CSMD2: variants seen among roughly 807,000 people sequenced by gnomAD.
CSMD2 encodes the protein CUB and Sushi multiple domains 2.
In CSMD2, 130 loss-of-function variants were observed where a neutral mutation model predicts 398.5. That is an observed-to-expected ratio of 0.33 (90% CI 0.28 to 0.38). The LOEUF is 0.38. Ranked by LOEUF, CSMD2 falls within the 10% of genes least tolerant of loss-of-function variation. The pLI is 1.00. For synonymous variants in CSMD2, 1,828 were observed against 1,908.5 expected (o/e 0.96, Z 1.10); for missense variants, 3,829 against 4,764.9 (o/e 0.80, Z 5.78).
At chr1:33,941,126 A>C (rs1355180641) in intron 3 of CSMD2, among the ~76,000 whole-genome samples, 1 of 152,204 alleles carries the variant, frequency 6.6e-6, no homozygotes, top group African/African-American at 2.4e-5. Context: ...CCAGAACAAT[A>C]TTATTAAAGC....
At chr1:33,935,532 C>T (rs1644451095) in intron 4 of CSMD2, among the ~76,000 whole-genome samples, 2 of 152,062 alleles carry the variant, frequency 1.3e-5, no homozygotes, top group Non-Finnish European at 2.9e-5. Context: ...TTTGTTGATA[C>T]AGGGGAAAAA....
intron 2 of CSMD2, among the ~76,000 whole-genome samples, chr1:34,080,509 A>G (rs966852650): frequency 6.6e-6 from 1 of 152,162 alleles, no homozygotes; most frequent in African/African-American, 2.4e-5. Context: ...AGTAGAAATC[A>G]TAATCTAATC....
At chr1:34,112,642 C>A (rs931790628) in intron 1 of CSMD2, among the ~76,000 whole-genome samples, 9 of 152,084 alleles carry the variant, frequency 5.9e-5, no homozygotes, top group African/African-American at 2.2e-4. Flanking sequence ...TGAGAAAAAT[C>A]AAAAGTATAT....
At chr1:33,683,106 T>C (rs142740490) in intron 25 of CSMD2, among the ~76,000 whole-genome samples, 2 of 152,356 alleles carry the variant, frequency 1.3e-5, no homozygotes, top group East Asian at 3.9e-4. Flanking sequence ...ACTTCAATGC[T>C]TTTATTTCTT....
intron 64 of CSMD2, among the ~76,000 whole-genome samples, chr1:33,530,582 C>T (rs1342649715): frequency 6.6e-6 from 1 of 152,118 alleles, no homozygotes; most frequent in African/African-American, 2.4e-5. Context: ...TACAGCAATA[C>T]CATTATGGAG....
chr1:33,643,681 AAGAT>A (rs1383304325), intron 29 of CSMD2, among the ~76,000 whole-genome samples: 3 of 152,150 alleles, frequency 2.0e-5, no homozygotes, highest in African/African-American at 7.2e-5. Flanking sequence ...CCTATAAAGA[AAGAT>A]AGTGTACATG....
At chr1:34,044,509 C>T (rs895947791) in intron 2 of CSMD2, among the ~76,000 whole-genome samples, 2 of 152,010 alleles carry the variant, frequency 1.3e-5, no homozygotes, top group African/African-American at 4.8e-5. Flanking sequence ...GAAGCTGAGG[C>T]TGTTGCTACA....
At chr1:34,096,627 AG>A (rs1659343150) in intron 1 of CSMD2, among the ~76,000 whole-genome samples, 1 of 122,200 alleles carries the variant, frequency 8.2e-6, no homozygotes, top group Non-Finnish European at 1.7e-5. Context: ...ACAGACAAAC[AG>A]AGAGCCAAAT....
At chr1:33,527,536 G>A (rs1654883600) in intron 64 of CSMD2, among the ~76,000 whole-genome samples, 1 of 152,158 alleles carries the variant, frequency 6.6e-6, no homozygotes, top group Non-Finnish European at 1.5e-5. Context: ...TGGTATATAT[G>A]ATTCTTTATT....
intron 25 of CSMD2, among the ~76,000 whole-genome samples, chr1:33,685,196 G>A (rs1353633156): frequency 6.6e-6 from 1 of 152,202 alleles, no homozygotes; most frequent in African/African-American, 2.4e-5. Flanking sequence ...TAGCCACGAG[G>A]ATGAAAGCCT....
chr1:33,918,038 C>T, intron 5 of CSMD2, 56 bp downstream of exon 5: 2 of 1,524,616 alleles, frequency 1.3e-6, no homozygotes, highest in Non-Finnish European at 1.8e-6. Flanking sequence ...GCAAGCATCC[C>T]AGTAATTCAC....
At chr1:33,693,204 G>T in intron 24 of CSMD2, 148 bp from the exon 25 acceptor site, 3 of 885,576 alleles carry the variant, frequency 3.4e-6, no homozygotes, top group Non-Finnish European at 4.9e-6. Context: ...AAAGGTCTCT[G>T]GATGAGACTT....
chr1:33,699,217 G>A (rs1179135878), intron 23 of CSMD2, among the ~76,000 whole-genome samples: 4 of 152,120 alleles, frequency 2.6e-5, no homozygotes, highest in Non-Finnish European at 2.9e-5. Context: ...GTTTGACCCC[G>A]TAGCATTTTT....
At chr1:33,908,317 C>G (rs1222862385) in intron 5 of CSMD2, among the ~76,000 whole-genome samples, 2 of 152,182 alleles carry the variant, frequency 1.3e-5, no homozygotes, top group Non-Finnish European at 2.9e-5. Flanking sequence ...CAGAATGAAG[C>G]AACATCATTC....
chr1:33,617,650 T>C (rs143092141), intron 37 of CSMD2, 33 bp from the exon 38 acceptor site: 2 of 1,548,314 alleles, frequency 1.3e-6, no homozygotes, highest in Admixed American at 1.7e-5. Context: ...GAAAGGAGAA[T>C]GGACTAGCCC....
At position 34,165,131 on chromosome 1, in the gene CSMD2, C is replaced by G. The variant is rs879467824; in HGVS notation, c.-34G>C. On this transcript the variant is annotated 5_prime_UTR_variant, in exon 1 of 71. Coordinates refer to ENST00000373381, the MANE Select transcript of CSMD2 (RefSeq NM_001281956.2). ...CGGCAGCGCCGAGGGAGAGGCTCCGCTCGCCGCCGAGGAGAAAGGAGGTCA... is the reference window on the plus strand; with the variant it reads ...CGGCAGCGCCGAGGGAGAGGCTCCGGTCGCCGCCGAGGAGAAAGGAGGTCA... The G allele has an allele frequency of 9.4e-5, 114 of 1,211,998 alleles. No homozygotes were observed. The highest frequency in any genetic ancestry group is 1.1e-4 in the Non-Finnish European group (110 of 975,068). 75.1% of individuals were successfully genotyped at this position (1,211,998 alleles called of 1,614,324 possible).
At chr1:33,913,582 C>A (rs1443194217) in intron 5 of CSMD2, among the ~76,000 whole-genome samples, 2 of 152,126 alleles carry the variant, frequency 1.3e-5, no homozygotes, top group Non-Finnish European at 2.9e-5. Context: ...ATACTGAGAC[C>A]CATTTTTCAG....
At chr1:33,785,780 A>G (rs965020017) in intron 12 of CSMD2, among the ~76,000 whole-genome samples, 51 of 152,252 alleles carry the variant, frequency 3.3e-4, no homozygotes, top group African/African-American at 1.2e-3. Flanking sequence ...GCTATGGCAC[A>G]TAGCAGGCTT....
At chr1:33,974,939 C>T (rs1645905549) in intron 3 of CSMD2, among the ~76,000 whole-genome samples, 1 of 152,188 alleles carries the variant, frequency 6.6e-6, no homozygotes, top group Non-Finnish European at 1.5e-5. Flanking sequence ...GAAGAGGGTA[C>T]TCTATGGACG....
Sources: allele counts gnomAD v4.1 joint callset (sites outside exome capture counted in the v4.1 genomes callset), GRCh38; gene constraint gnomAD v4.1.1; transcripts MANE v1.5; gene names NCBI Gene and HGNC (gene_info 2026-07-23, HGNC 2026-07-21).